The following SDAD1 variants were observed in gnomAD, a reference collection of about 807,000 sequenced individuals.
SDAD1 encodes the protein SDA1 domain containing 1.
Under a neutral mutation model 100.3 loss-of-function variants are expected in SDAD1, and 79 were observed. That is an observed-to-expected ratio of 0.79 (90% CI 0.66 to 0.95). The LOEUF is 0.95. SDAD1 is among the 40% of genes least tolerant of loss of function. The pLI is 0.00. For missense variants in SDAD1, 790 were observed against 810.9 expected (o/e 0.97, Z 0.31); for synonymous variants, 267 against 271.4 (o/e 0.98, Z 0.16).
chr4:75,978,173 C>T (rs965091858), intron 3 of SDAD1, among the ~76,000 whole-genome samples: 1 of 150,834 alleles, frequency 6.6e-6, no homozygotes, highest in African/African-American at 2.4e-5. Context: ...ACGAGGCATT[C>T]TTCTGAAGTA....
At chr4:75,956,244 G>C in intron 20 of SDAD1, 108 bp from the exon 21 acceptor site, 1 of 1,180,374 alleles carries the variant, frequency 8.5e-7, no homozygotes, top group East Asian at 2.4e-5. Context: ...GGTGCCAAGG[G>C]CACAGAATGG....
At chr4:75,974,217 A>T (rs527841967) in intron 6 of SDAD1, 84 bp from the exon 7 acceptor site, 4 of 1,115,024 alleles carry the variant, frequency 3.6e-6, no homozygotes, top group Non-Finnish European at 5.5e-6. Flanking sequence ...AATAAATGAT[A>T]TAACAAATGT....
In SDAD1 at chr4:75,981,902, C is replaced by T. The variant is rs576787632; in HGVS notation, c.195+31G>A. 18 of 1,410,142 alleles carry T rather than the reference C, an allele frequency of 1.3e-5. No individual in the cohort carries two copies. In the East Asian group the frequency reaches 1.8e-4, roughly 14 times the overall value. 87.4% of individuals were successfully genotyped at this position (1,410,142 alleles called of 1,614,324 possible). ...ACATTCAGCAAACTGTGTGTTAATA[C>T]TGGTCTTTATTTAAGCAATTATATT... On this transcript the variant is annotated intron_variant, in intron 2 of 21. Transcript: ENST00000356260.
Position 75,967,261 on chromosome 4 carries a change from G to C in SDAD1, c.1045+16C>G. On this transcript the variant is annotated intron_variant, in intron 12 of 21. Transcript: ENST00000356260. ...TTACCAAGGCCACCAAAGAAACATG[G>C]CAAGTGGCAGCTTACCTCTTTGGTG... is the stretch of plus-strand genomic sequence containing the variant. The C allele has an allele frequency of 6.2e-7, 1 of 1,612,366 alleles. No homozygotes were observed. The highest frequency in any genetic ancestry group is 8.5e-7 in the Non-Finnish European group (1 of 1,178,416).
In SDAD1 at chr4:75,974,145, C is replaced by A; in HGVS notation, c.579-12G>T. On this transcript the variant is annotated splice_polypyrimidine_tract_variant and intron_variant, in intron 6 of 21. Transcript: ENST00000356260. ...TTTTTGCATCATTCCTGGGGGAAGACAATGAATGCTTTGAAGTAAATTTTC... is the reference window on the plus strand; with the variant it reads ...TTTTTGCATCATTCCTGGGGGAAGAAAATGAATGCTTTGAAGTAAATTTTC... 6.2e-7 allele frequency: 1 copy of A among 1,611,468 alleles called. No individual in the cohort carries two copies. The highest frequency in any genetic ancestry group is 8.5e-7 in the Non-Finnish European group (1 of 1,177,876).
At chr4:75,957,303 T>A in intron 20 of SDAD1, 22 bp downstream of exon 20, 1 of 1,590,532 alleles carries the variant, frequency 6.3e-7, no homozygotes, top group Non-Finnish European at 8.6e-7. Context: ...TTTAAAAAAC[T>A]AGGAATGATA....
intron 12 of SDAD1, 29 bp from the exon 13 acceptor site, chr4:75,965,851 T>C (rs1729509116): frequency 1.9e-6 from 3 of 1,602,518 alleles, no homozygotes; most frequent in Middle Eastern, 1.7e-4. Context: ...AGAAAGGTCA[T>C]GGTCAGTGTA....
At chr4:75,970,684 C>T (rs1210252598) in intron 9 of SDAD1, among the ~76,000 whole-genome samples, 2 of 152,098 alleles carry the variant, frequency 1.3e-5, no homozygotes, top group African/African-American at 2.4e-5. Flanking sequence ...CCCTGCATGT[C>T]GAGGGAAGGA....
chr4:75,954,605 CT>C (rs966292867), intron 21 of SDAD1, among the ~76,000 whole-genome samples: 9 of 152,048 alleles, frequency 5.9e-5, no homozygotes, highest in African/African-American at 2.2e-4. Context: ...GGGAGACCCC[CT>C]GAATCTATTG....
intron 12 of SDAD1, among the ~76,000 whole-genome samples, chr4:75,966,419 C>CT (rs937023785): frequency 4.0e-5 from 6 of 151,850 alleles, no homozygotes; most frequent in African/African-American, 1.2e-4. Flanking sequence ...TGACTCTAGT[C>CT]TTTTTTTTCC....
intron 21 of SDAD1, among the ~76,000 whole-genome samples, chr4:75,951,063 A>G (rs1728605724): frequency 6.6e-6 from 1 of 152,184 alleles, no homozygotes; most frequent in Non-Finnish European, 1.5e-5. Context: ...TGCAGAGACT[A>G]CTATTTATTA....
intron 1 of SDAD1, among the ~76,000 whole-genome samples, chr4:75,987,744 C>T (rs1730989201): frequency 6.6e-6 from 1 of 152,144 alleles, no homozygotes; most frequent in East Asian, 1.9e-4. Flanking sequence ...TCAGGTGATT[C>T]ACCCACCTTG....
chr4:75,981,822 T>G, intron 2 of SDAD1, 111 bp downstream of exon 2: 2 of 849,716 alleles, frequency 2.4e-6, no homozygotes, highest in Admixed American at 5.9e-5. Flanking sequence ...GTTAGAAAAA[T>G]ATTTTAATTA....
At chr4:75,952,080 C>T (rs1728654437) in intron 21 of SDAD1, among the ~76,000 whole-genome samples, 1 of 152,136 alleles carries the variant, frequency 6.6e-6, no homozygotes, top group Non-Finnish European at 1.5e-5. Context: ...AGCAGAAGAG[C>T]TGGGATACTT....
intron 14 of SDAD1, among the ~76,000 whole-genome samples, chr4:75,962,703 A>ATC (rs1462848954): frequency 1.3e-5 from 2 of 152,190 alleles, no homozygotes; most frequent in Non-Finnish European, 1.5e-5. Context: ...TCTTCTTTTG[A>ATC]GAAGCATCTG....
At chr4:75,986,848 ACCT>A (rs1233500463) in intron 1 of SDAD1, among the ~76,000 whole-genome samples, 1 of 151,978 alleles carries the variant, frequency 6.6e-6, no homozygotes, top group East Asian at 1.9e-4. Flanking sequence ...AACTAGCAAG[ACCT>A]CATCTCTACA....
Position 75,964,204 on chromosome 4 carries a change from T to C in SDAD1, c.1112A>G (p.Gln371Arg), listed in dbSNP as rs1729408752. The C allele has an allele frequency of 1.9e-6, 3 of 1,603,690 alleles. No homozygotes were observed. In the African/African-American group the frequency reaches 4.0e-5, roughly 22 times the overall value. The part of the protein sequence containing the change: ...SHHLVPPEII[Q>R]SLLMTVANNF... ...GTTTGCCACAGTCATAAGCAATGAT[T>C]GAATAATCTGAATTGGAAACAAAAA... Residue 371 changes from glutamine (Q) to arginine (R), a missense_variant, in exon 14 of 22, where the codon CAA (glutamine) becomes CGA (arginine). By Grantham distance (43) the Gln-to-Arg change is conservative. Transcript: ENST00000356260.
chr4:75,950,823 A>T, intron 21 of SDAD1, 26 bp from the exon 22 acceptor site: 1 of 1,534,542 alleles, frequency 6.5e-7, no homozygotes, highest in Non-Finnish European at 9.0e-7. Context: ...GTATTGAAAC[A>T]TGATAACTCT....
At chr4:75,989,854 C>T (rs1217032489) in intron 1 of SDAD1, among the ~76,000 whole-genome samples, 3 of 152,042 alleles carry the variant, frequency 2.0e-5, no homozygotes, top group Non-Finnish European at 4.4e-5. Context: ...TCATAAAATA[C>T]ATATATGTGA....
Sources: gnomAD v4.1 joint callset for allele counts (sites outside exome capture counted in the v4.1 genomes callset) on GRCh38, gnomAD v4.1.1 for gene constraint, MANE v1.5 for transcripts, NCBI Gene and HGNC (gene_info 2026-07-23, HGNC 2026-07-21) for gene names.